The following PLCE1 variants were observed in gnomAD, a reference collection of about 807,000 sequenced individuals.
PLCE1 encodes the protein 1-phosphatidylinositol 4,5-bisphosphate phosphodiesterase epsilon-1.
A neutral mutation model predicts 242.8 loss-of-function variants in PLCE1; 119 were observed. The observed-to-expected ratio is 0.49, with a 90% CI of 0.42 to 0.57. PLCE1 has a LOEUF of 0.57. Ranked by LOEUF, PLCE1 falls within the 20% of genes least tolerant of loss-of-function variation. PLCE1 has a pLI of 0.00. For missense variants in PLCE1, 2,441 were observed against 2,788.8 expected (o/e 0.88, Z 2.81); for synonymous variants, 945 against 1,017.4 (o/e 0.93, Z 1.35).
intron 2 of PLCE1, among the ~76,000 whole-genome samples, chr10:94,072,145 T>C (rs2044378544): frequency 6.6e-6 from 1 of 152,226 alleles, no homozygotes; most frequent in Non-Finnish European, 1.5e-5. Flanking sequence ...ACTCCTTTAA[T>C]GTTTGTCTGT....
intron 1 of PLCE1, among the ~76,000 whole-genome samples, chr10:94,020,005 T>C (rs1037014412): frequency 7.2e-5 from 11 of 152,214 alleles, no homozygotes; most frequent in African/African-American, 2.4e-4. Flanking sequence ...GATATATGCT[T>C]TTACTTTTCT....
chr10:94,143,405 C>T (rs758982448), intron 3 of PLCE1, among the ~76,000 whole-genome samples: 4 of 152,112 alleles, frequency 2.6e-5, no homozygotes, highest in Non-Finnish European at 5.9e-5. Context: ...TTTTTCAATA[C>T]ATGACACTTC....
In PLCE1 at chr10:94,131,797, C is replaced by G. The variant is rs575740552; in HGVS notation, c.1207-377C>G. Among the ~76,000 whole-genome samples the G allele has an allele frequency of 7.9e-5, 12 of 152,284 alleles. No individual in the cohort carries two copies. The East Asian group carries it at 1.9e-3, about 24-fold the overall frequency. ...GGCTGAAACACTCCATGGAGGGAGA[C>G]AGACCTGGGACAGTCATTCAGTAAT... is the stretch of plus-strand genomic sequence containing the variant. On this transcript the variant is annotated intron_variant, in intron 2 of 32. Transcript: ENST00000371380.
At chr10:94,061,292 T>G (rs2044049596) in intron 2 of PLCE1, among the ~76,000 whole-genome samples, 1 of 152,194 alleles carries the variant, frequency 6.6e-6, no homozygotes, top group Non-Finnish European at 1.5e-5. Context: ...ATTGGAGATG[T>G]AAAGATTAGC....
intron 2 of PLCE1, among the ~76,000 whole-genome samples, chr10:94,071,622 C>T (rs2044363010): frequency 1.3e-5 from 2 of 150,342 alleles, no homozygotes; most frequent in Non-Finnish European, 2.9e-5. Flanking sequence ...ACTCATCCTC[C>T]CCAGTATCTG....
rs1306214458 is a variant in PLCE1 at position 94,262,720 on chromosome 10, C to T, written c.4041C>T (p.Leu1347=). The T allele has an allele frequency of 1.2e-6, 2 of 1,610,236 alleles. No individual in the cohort carries two copies. Among genetic ancestry groups the T allele is most frequent in the Non-Finnish European group, 8.5e-7 (1 of 1,176,412 alleles). ...QGEHCTYDEI[L]SIIQKFEPSI... ...AACACTGCACTTATGATGAAATCCT[C>T]AGCATCATCCAGGTTTGTGCCTGTT... Residue 1347 remains leucine (L), a synonymous_variant, in exon 14 of 33, where the codon CTC becomes CTT. Transcript: ENST00000371380.
chr10:94,244,976 T>C (rs75950612), intron 7 of PLCE1, among the ~76,000 whole-genome samples: 4,048 of 152,298 alleles, frequency 0.027, 106 homozygotes, highest in African/African-American at 0.075. Context: ...ATCTTTGAAC[T>C]AATTGTATTT....
chr10:94,157,649 C>A (rs1322036924), intron 3 of PLCE1, among the ~76,000 whole-genome samples: 4 of 152,182 alleles, frequency 2.6e-5, no homozygotes, highest in African/African-American at 9.6e-5. Context: ...TGACCTTGGG[C>A]AAGAGGCTTG....
rs1190004976 is a variant in PLCE1, at chr10:94,030,981, A to G, written c.-66A>G. 7.9e-6 allele frequency: 12 copies of G among 1,526,220 alleles called. 1 individual carries two copies. The Admixed American group carries it at 1.0e-4, about 13-fold the overall frequency. The allele number at this position is 1,526,220 out of a possible 1,614,324, so 94.5% of individuals were successfully genotyped here. A position where few individuals can be genotyped will look rare whatever the true frequency, so the allele number is the denominator to read the frequency against. On this transcript the variant is annotated 5_prime_UTR_variant, in exon 2 of 33. Coordinates refer to ENST00000371380, the MANE Select transcript of PLCE1 (RefSeq NM_016341.4). Reference sequence around the variant, plus strand: ...GTTGTAATAATCAGTCATTTTATTAAAACCTTGACATGATCACCAGGGAGG... The same window carrying G: ...GTTGTAATAATCAGTCATTTTATTAGAACCTTGACATGATCACCAGGGAGG...
chr10:94,245,228 C>T (rs914609883), intron 7 of PLCE1, among the ~76,000 whole-genome samples: 13 of 152,264 alleles, frequency 8.5e-5, no homozygotes, highest in Non-Finnish European at 1.8e-4. Flanking sequence ...AAATTACTTT[C>T]CCTTTCTGAA....
intron 17 of PLCE1, among the ~76,000 whole-genome samples, chr10:94,269,652 G>C (rs978846719): frequency 6.6e-6 from 1 of 152,144 alleles, no homozygotes; most frequent in Non-Finnish European, 1.5e-5. Flanking sequence ...GATATATAAA[G>C]GCAAGGTCTA....
chr10:94,132,083 C>CTTAATAAGTCATCTTGGCATTTTG (rs1185927030), intron 2 of PLCE1, 91 bp from the exon 3 acceptor site: 163 of 1,284,434 alleles, frequency 1.3e-4, no homozygotes, highest in Non-Finnish European at 1.7e-4. Flanking sequence ...AGCCTTCTTT[C>CTTAATAAGTCATCTTGGCATTTTG]TTAATAAGTC....
intron 3 of PLCE1, among the ~76,000 whole-genome samples, chr10:94,145,641 G>A (rs529197447): frequency 6.6e-6 from 1 of 152,226 alleles, no homozygotes; most frequent in East Asian, 1.9e-4. Context: ...CCCACAAGAT[G>A]AGACACACCA....
chr10:94,062,954 T>C (rs1564656815), intron 2 of PLCE1, among the ~76,000 whole-genome samples: 1 of 152,104 alleles, frequency 6.6e-6, no homozygotes, highest in Non-Finnish European at 1.5e-5. Context: ...CATCCTTTCA[T>C]CTCCTCTCTT....
chr10:94,182,578 A>G (rs2048349509), intron 4 of PLCE1, among the ~76,000 whole-genome samples: 1 of 151,164 alleles, frequency 6.6e-6, no homozygotes, highest in Non-Finnish European at 1.5e-5. Flanking sequence ...CCCCATCTTC[A>G]TTTCTTTTCT....
intron 2 of PLCE1, among the ~76,000 whole-genome samples, chr10:94,127,652 C>T (rs1335036374): frequency 6.6e-6 from 1 of 152,184 alleles, no homozygotes; most frequent in Non-Finnish European, 1.5e-5. Flanking sequence ...TCACTGTCAT[C>T]ATAAAAACTA....
rs562512387 is a variant in PLCE1, at chr10:94,329,492, A to G, written c.*1549A>G. 2 of 152,310 alleles carry G rather than the reference A, an allele frequency of 1.3e-5. No individual in the cohort carries two copies. Among genetic ancestry groups the G allele is most frequent in the Non-Finnish European group, 2.9e-5 (2 of 68,032 alleles). The allele number at this position is 152,310 out of a possible 1,614,324, so 9.4% of individuals were successfully genotyped here. A position where few individuals can be genotyped will look rare whatever the true frequency, so the allele number is the denominator to read the frequency against. On this transcript the variant is annotated 3_prime_UTR_variant, in exon 33 of 33. Coordinates refer to ENST00000371380, the MANE Select transcript of PLCE1 (RefSeq NM_016341.4). ...TTCTAAAAACAGAAGTGTTAAAAAT[A>G]CACCACACAGGCTGGGCAGAGTGGC...
intron 2 of PLCE1, chr10:94,104,197 A>G (rs537361121): frequency 1.3e-5 from 2 of 152,234 alleles, no homozygotes; most frequent in African/African-American, 4.8e-5. Flanking sequence ...TACAGCAGGC[A>G]CTGCTCAAAA....
chr10:94,165,284 C>T (rs1347233055), intron 3 of PLCE1, among the ~76,000 whole-genome samples: 2 of 152,220 alleles, frequency 1.3e-5, no homozygotes, highest in Non-Finnish European at 2.9e-5. Flanking sequence ...CCACCCAGTT[C>T]GAGCTTCCCG....
Sources: gnomAD v4.1 joint callset for allele counts (sites outside exome capture counted in the v4.1 genomes callset) on GRCh38, gnomAD v4.1.1 for gene constraint, MANE v1.5 for transcripts, NCBI Gene and HGNC (gene_info 2026-07-23, HGNC 2026-07-21) for gene names.